Variants in UBE2H observed in about 807,000 individuals in gnomAD.
The protein encoded by UBE2H is ubiquitin conjugating enzyme E2 H, also known as ubiquitin-conjugating enzyme E2 H.
Under a neutral mutation model 29.0 loss-of-function variants are expected in UBE2H, and 3 were observed. The observed-to-expected ratio is 0.10, with a 90% CI of 0.05 to 0.27. UBE2H has a LOEUF of 0.27. Among genes scored for constraint, UBE2H ranks in the 10% least tolerant of loss-of-function variants. UBE2H has a pLI of 1.00. For missense variants in UBE2H, 68 were observed against 228.2 expected (o/e 0.30, Z 4.52); for synonymous variants, 69 against 82.9 (o/e 0.83, Z 0.91).
At chr7:129,867,699 T>TAAAAAAAAAAAAAAAAAGAAAAACAAA (rs1805933823) in intron 3 of UBE2H, among the ~76,000 whole-genome samples, 1 of 29,644 alleles carries the variant, frequency 3.4e-5, no homozygotes, top group African/African-American at 1.5e-4. Context: ...TAGAGTATAA[T>TAAAAAAAAAAAAAAAAAGAAAAACAAA]AAAAAAAAAA....
At chr7:129,891,902 T>TGTG (rs71312806) in intron 1 of UBE2H, among the ~76,000 whole-genome samples, 1 of 151,698 alleles carries the variant, frequency 6.6e-6, no homozygotes, top group Non-Finnish European at 1.5e-5. Flanking sequence ...TGTGTGTGTG[T>TGTG]TAGTTTTTTT....
chr7:129,839,587 A>G (rs1805389863), intron 5 of UBE2H: 6 of 377,644 alleles, frequency 1.6e-5, no homozygotes, highest in South Asian at 1.6e-4. Flanking sequence ...TCCCAATTCT[A>G]TTTCACTCTA....
intron 1 of UBE2H, among the ~76,000 whole-genome samples, chr7:129,923,548 C>T (rs562374650): frequency 6.6e-6 from 1 of 152,086 alleles, no homozygotes; most frequent in Non-Finnish European, 1.5e-5. Context: ...AATAACATTT[C>T]CAAGTAATAA....
chr7:129,932,763 G>C (rs1031105289), intron 1 of UBE2H, among the ~76,000 whole-genome samples: 1 of 116,978 alleles, frequency 8.5e-6, no homozygotes, highest in African/African-American at 3.3e-5. Flanking sequence ...GACAGAGCGA[G>C]ACTCCGTCTC....
At chr7:129,925,104 CT>C (rs1307982927) in intron 1 of UBE2H, among the ~76,000 whole-genome samples, 1 of 152,134 alleles carries the variant, frequency 6.6e-6, no homozygotes, top group African/African-American at 2.4e-5. Flanking sequence ...AATCCCAGCA[CT>C]TTGGGAGGCC....
rs572781428 is a variant in UBE2H at position 129,839,102 on chromosome 7, A to C, written c.427+105T>G. 1,898 of 1,500,862 alleles carry C rather than the reference A, an allele frequency of 1.3e-3. 3 individuals carry two copies. Among genetic ancestry groups the C allele is most frequent in the Non-Finnish European group, 1.5e-3 (1,689 of 1,123,122 alleles). 93.0% of individuals were successfully genotyped at this position (1,500,862 alleles called of 1,614,324 possible). A position where few individuals can be genotyped will look rare whatever the true frequency, so the allele number is the denominator to read the frequency against. ...CCCACAGCTGTCTCTTTTTAGGCCT[A>C]AGAAAAAGTATTAGGAACTAAGTAA... On this transcript the variant is annotated intron_variant, in intron 6 of 6. Coordinates refer to ENST00000355621, the MANE Select transcript of UBE2H (RefSeq NM_003344.4).
intron 3 of UBE2H, among the ~76,000 whole-genome samples, chr7:129,871,588 C>T (rs1806031623): frequency 6.6e-6 from 1 of 152,114 alleles, no homozygotes; most frequent in African/African-American, 2.4e-5. Flanking sequence ...TTGGCACATG[C>T]CTGTAATCCC....
At chr7:129,928,024 T>C (rs1486083357) in intron 1 of UBE2H, among the ~76,000 whole-genome samples, 1 of 76,206 alleles carries the variant, frequency 1.3e-5, no homozygotes, top group Non-Finnish European at 3.1e-5. Flanking sequence ...CATCTCAAAA[T>C]TAAAAAAAAA....
chr7:129,898,421 A>C (rs1290133017), intron 1 of UBE2H, among the ~76,000 whole-genome samples: 1 of 152,236 alleles, frequency 6.6e-6, no homozygotes, highest in African/African-American at 2.4e-5. Flanking sequence ...TTAAATATGC[A>C]TCAACAATAA....
chr7:129,884,593 T>C (rs1040815916), intron 1 of UBE2H, among the ~76,000 whole-genome samples: 1 of 109,472 alleles, frequency 9.1e-6, no homozygotes, highest in Non-Finnish European at 1.9e-5. Flanking sequence ...CGAATTACTA[T>C]TTTTTTTTTT....
At chr7:129,836,009 A>G (rs942732705) in intron 6 of UBE2H, among the ~76,000 whole-genome samples, 1 of 152,234 alleles carries the variant, frequency 6.6e-6, no homozygotes, top group Non-Finnish European at 1.5e-5. Context: ...AATAATAAAC[A>G]GAATGTGTGA....
intron 1 of UBE2H, among the ~76,000 whole-genome samples, chr7:129,952,056 G>A (rs1807887676): frequency 1.3e-5 from 2 of 152,184 alleles, no homozygotes; most frequent in African/African-American, 2.4e-5. Flanking sequence ...GCAGCATTGT[G>A]GTTGGAGGAA....
At chr7:129,894,346 C>T (rs1051490729) in intron 1 of UBE2H, among the ~76,000 whole-genome samples, 1 of 151,804 alleles carries the variant, frequency 6.6e-6, no homozygotes, top group South Asian at 2.1e-4. Context: ...CCCAGCTACT[C>T]GGGAGGATCG....
At chr7:129,863,694 A>G (rs769832016) in intron 3 of UBE2H, among the ~76,000 whole-genome samples, 21 of 152,320 alleles carry the variant, frequency 1.4e-4, no homozygotes, top group South Asian at 1.0e-3. Flanking sequence ...TGACTCTTCT[A>G]AAGTAGGCAG....
intron 3 of UBE2H, among the ~76,000 whole-genome samples, chr7:129,873,398 C>A (rs1806082110): frequency 7.3e-6 from 1 of 137,722 alleles, no homozygotes. Flanking sequence ...TTGGCAAGTT[C>A]TTGCTTCATG....
chr7:129,915,529 G>A (rs1198627498), intron 1 of UBE2H, among the ~76,000 whole-genome samples: 3 of 152,086 alleles, frequency 2.0e-5, no homozygotes, highest in Non-Finnish European at 4.4e-5. Flanking sequence ...GCGAGACTCT[G>A]TCTCAAAAAA....
At chr7:129,880,084 A>G (rs1280899277) in intron 2 of UBE2H, among the ~76,000 whole-genome samples, 1 of 152,224 alleles carries the variant, frequency 6.6e-6, no homozygotes, top group Non-Finnish European at 1.5e-5. Flanking sequence ...ATAAAGAGAA[A>G]ACTACAGTCA....
rs993910567 is a variant in UBE2H at position 129,859,358 on chromosome 7, G to A, written c.206-417C>T. ...CTGCATTTCAACTTCTCCTTCTGAC[G>A]CTCACTTACTGGTATCACTTGGCTG... On this transcript the variant is annotated intron_variant, in intron 3 of 6. Transcript: ENST00000355621. 3.9e-5 allele frequency among the ~76,000 whole-genome samples: 6 copies of A among 152,250 alleles called. No homozygotes were observed. The East Asian group carries it at 7.7e-4, about 20-fold the overall frequency.
At chr7:129,949,142 G>C (rs1020750448) in intron 1 of UBE2H, 7 of 386,250 alleles carry the variant, frequency 1.8e-5, no homozygotes, top group Non-Finnish European at 3.7e-5. Flanking sequence ...CTGTGCAACA[G>C]GGTGAGACGA....
Sources: allele counts gnomAD v4.1 joint callset (sites outside exome capture counted in the v4.1 genomes callset), GRCh38; gene constraint gnomAD v4.1.1; transcripts MANE v1.5; gene names NCBI Gene and HGNC (gene_info 2026-07-23, HGNC 2026-07-21).